The following C2CD2 variants were observed in gnomAD, a reference collection of about 807,000 sequenced individuals.
C2CD2 encodes C2 domain-containing protein 2.
A neutral mutation model predicts 74.3 loss-of-function variants in C2CD2; 43 were observed. The observed-to-expected ratio is 0.58, with a 90% CI of 0.45 to 0.75. C2CD2 has a LOEUF of 0.75. Among genes scored for constraint, C2CD2 ranks in the 30% least tolerant of loss-of-function variants. The pLI, the probability that C2CD2 is intolerant of heterozygous loss-of-function variation, is 0.00. For synonymous variants in C2CD2, 422 were observed against 390.7 expected (o/e 1.08, Z -0.94); for missense variants, 801 against 916.3 (o/e 0.87, Z 1.63).
Position 41,926,599 on chromosome 21 carries a change from T to C in C2CD2, c.379-4514A>G. On this transcript the variant is annotated intron_variant, in intron 2 of 13. Transcript: ENST00000380486. The surrounding 1 kb of genome is among the most constrained non-coding windows in gnomAD (Gnocchi z 8.0). ...ATGCAAACAGCGCTTATCTGGAAAC[T>C]ATTCCTTTGTTTAGACTTGGGGCCA... The C allele has an allele frequency of 1.0e-6, 1 of 981,782 alleles. No individual in the cohort carries two copies. Among genetic ancestry groups the C allele is most frequent in the Non-Finnish European group, 1.2e-6 (1 of 826,642 alleles). 60.8% of individuals were successfully genotyped at this position (981,782 alleles called of 1,614,324 possible).
chr21:41,890,695 T>A (rs946915480), intron 13 of C2CD2, among the ~76,000 whole-genome samples: 53 of 152,224 alleles, frequency 3.5e-4, no homozygotes, highest in African/African-American at 9.4e-4. Flanking sequence ...CCACGACATA[T>A]GCAAATCGCC....
rs1259747891 is a variant in C2CD2, at chr21:41,929,753, T to TC, written c.379-7669dup. 6.6e-6 allele frequency among the ~76,000 whole-genome samples: 1 copy of TC among 152,182 alleles called. No homozygotes were observed. Among genetic ancestry groups the TC allele is most frequent in the Non-Finnish European group, 1.5e-5 (1 of 68,028 alleles). ...AAGATCACCAAGTGTCCAGCTCAGC[T>TC]CCTGCCCTCATCAGCAAGTTTTCCA... On this transcript the variant is annotated intron_variant, in intron 2 of 13. Coordinates refer to ENST00000380486, the MANE Select transcript of C2CD2 (RefSeq NM_015500.2). This position sits in a 1 kb window ranked among gnomAD's most constrained non-coding sequence, Gnocchi z 4.6.
rs544967807 is a variant in C2CD2, at chr21:41,920,616, G to A, written c.492+1356C>T. ...CGATGGAGACCACTCTTGCATCTCT[G>A]GTTGGAGGAACATCAGAGAAGCGGG... On this transcript the variant is annotated intron_variant, in intron 3 of 13. Transcript: ENST00000380486. Among the ~76,000 whole-genome samples the A allele has an allele frequency of 3.3e-5, 5 of 152,328 alleles. No individual in the cohort carries two copies. In the South Asian group the frequency reaches 1.0e-3, roughly 32 times the overall value.
At chr21:41,889,412 C>T (rs1344497802) in intron 13 of C2CD2, 68 bp from the exon 14 acceptor site, 9 of 1,094,130 alleles carry the variant, frequency 8.2e-6, no homozygotes, top group South Asian at 2.6e-5. Flanking sequence ...CTGGTCCAAT[C>T]GGACAAAGGG....
At chr21:41,916,977 ACTCTC>A (rs1354838923) in intron 5 of C2CD2, among the ~76,000 whole-genome samples, 1 of 151,814 alleles carries the variant, frequency 6.6e-6, no homozygotes, top group East Asian at 1.9e-4. Context: ...CAGCGCTGGG[ACTCTC>A]CTCTCACCTC....
chr21:41,914,939 C>T (rs2065071659), intron 5 of C2CD2, among the ~76,000 whole-genome samples: 1 of 152,128 alleles, frequency 6.6e-6, no homozygotes, highest in Admixed American at 6.5e-5. Flanking sequence ...TGCCTGGGAG[C>T]ATTTTCTACC....
At chr21:41,937,939 C>T (rs531443971) in intron 2 of C2CD2, among the ~76,000 whole-genome samples, 1 of 152,102 alleles carries the variant, frequency 6.6e-6, no homozygotes, top group Non-Finnish European at 1.5e-5. Context: ...ATGGTGGTTA[C>T]CAGACGCTGG....
At chr21:41,915,844 G>A (rs1384809033) in intron 5 of C2CD2, among the ~76,000 whole-genome samples, 2 of 151,858 alleles carry the variant, frequency 1.3e-5, no homozygotes, top group African/African-American at 2.4e-5. Flanking sequence ...TGTGCACAAC[G>A]TGCGGGTTAA....
intron 1 of C2CD2, among the ~76,000 whole-genome samples, chr21:41,947,956 G>A (rs984846347): frequency 1.3e-5 from 2 of 152,174 alleles, no homozygotes; most frequent in African/African-American, 4.8e-5. Flanking sequence ...AGTTAGCGTT[G>A]GGGGAATTTT....
chr21:41,918,218 C>A lies in C2CD2; in HGVS notation c.607G>T (p.Ala203Ser). ...QPKALGEDQV[A>S]ETSAMSDVLK... ...ACGTCAGACATCGCACTTGTCTCAG[C>A]CACCTGGTCCTGGTGAAAGAGGAGA... Residue 203 changes from alanine (A) to serine (S), a missense_variant, in exon 5 of 14, where the codon GCT becomes TCT. By Grantham distance (99) the Ala-to-Ser change is moderately conservative. Transcript: ENST00000380486. 1 of 1,614,104 alleles carries A rather than the reference C, an allele frequency of 6.2e-7. No individual in the cohort carries two copies. Among genetic ancestry groups the A allele is most frequent in the Non-Finnish European group, 8.5e-7 (1 of 1,179,980 alleles).
intron 3 of C2CD2, 93 bp from the exon 4 acceptor site, chr21:41,919,053 T>C: frequency 1.2e-6 from 1 of 838,306 alleles, no homozygotes; most frequent in Non-Finnish European, 2.0e-6. Context: ...CATGTGTGTG[T>C]GCATATATGC....
At chr21:41,919,080 A>G (rs2065126336) in intron 3 of C2CD2, 120 bp from the exon 4 acceptor site, 1 of 724,704 alleles carries the variant, frequency 1.4e-6, no homozygotes, top group Non-Finnish European at 2.4e-6. Flanking sequence ...GCATGTGTCT[A>G]TGTGAGCATA....
At chr21:41,937,945 G>A (rs55645719) in intron 2 of C2CD2, among the ~76,000 whole-genome samples, 2,382 of 152,268 alleles carry the variant, frequency 0.016, 27 homozygotes, top group Middle Eastern at 0.048. Context: ...GTTACCAGAC[G>A]CTGGGGAGTT....
intron 6 of C2CD2, 25 bp downstream of exon 6, chr21:41,914,573 C>A: frequency 6.2e-7 from 1 of 1,608,914 alleles, no homozygotes; most frequent in Non-Finnish European, 8.5e-7. Context: ...CCCCTCCAGG[C>A]AGGCAGGCTC....
chr21:41,935,768 C>A (rs936107688), intron 2 of C2CD2, among the ~76,000 whole-genome samples: 71 of 152,232 alleles, frequency 4.7e-4, no homozygotes, highest in African/African-American at 1.5e-3. Context: ...AGGAGAATCA[C>A]TTGAACCTGG....
chr21:41,890,351 G>T (rs1332923125), intron 13 of C2CD2, among the ~76,000 whole-genome samples: 1 of 152,178 alleles, frequency 6.6e-6, no homozygotes. Flanking sequence ...ATATCCATCA[G>T]GTAGTAGAAT....
At chr21:41,952,489 C>T (rs918606168) in intron 1 of C2CD2, among the ~76,000 whole-genome samples, 1 of 152,238 alleles carries the variant, frequency 6.6e-6, no homozygotes, top group Non-Finnish European at 1.5e-5. Flanking sequence ...GGAGCAGCGG[C>T]CAAGACTAGG....
intron 10 of C2CD2, among the ~76,000 whole-genome samples, chr21:41,906,505 C>A (rs1613991): frequency 0.21 from 31,451 of 151,990 alleles, 5,617 homozygotes; most frequent in African/African-American, 0.48. Context: ...GGCTAGGACT[C>A]CACGCACGTG....
intron 2 of C2CD2, among the ~76,000 whole-genome samples, chr21:41,925,363 A>G (rs1435986390): frequency 6.6e-6 from 1 of 151,990 alleles, no homozygotes; most frequent in Non-Finnish European, 1.5e-5. Flanking sequence ...GTGCACCTGT[A>G]GTCCCAGCTA....
Sources: gnomAD v4.1 joint callset for allele counts (sites outside exome capture counted in the v4.1 genomes callset) on GRCh38, gnomAD v4.1.1 for gene constraint, Gnocchi (gnomAD v3.1) non-coding constraint, MANE v1.5 for transcripts, NCBI Gene and HGNC (gene_info 2026-07-23, HGNC 2026-07-21) for gene names.